Variants in RANBP2 observed in about 807,000 individuals in gnomAD.
The protein encoded by RANBP2 is RAN binding protein 2.
A neutral mutation model predicts 303.6 loss-of-function variants in RANBP2; 57 were observed. The ratio of observed to expected loss-of-function variants is 0.19; its 90% confidence interval spans 0.15 to 0.23. RANBP2 has a LOEUF of 0.23. RANBP2 is among the 10% of genes least tolerant of loss of function. The pLI, the probability that RANBP2 is intolerant of heterozygous loss-of-function variation, is 1.00. For synonymous variants in RANBP2, 1,167 were observed against 1,301.5 expected (o/e 0.90, Z 2.23); for missense variants, 3,138 against 3,780.8 (o/e 0.83, Z 4.46).
the RANBP2 span, among the ~76,000 whole-genome samples, chr2:108,975,499 G>T: frequency 1.3e-5 from 2 of 152,198 alleles, no homozygotes; most frequent in Non-Finnish European, 2.9e-5. Flanking sequence ...GGGTCAACCC[G>T]CGGTAGCTTG....
At chr2:108,781,990 A>G in intron 26 of RANBP2, 138 bp from the exon 27 acceptor site, 1 of 909,924 alleles carries the variant, frequency 1.1e-6, no homozygotes, top group Non-Finnish European at 1.7e-6. Context: ...TAGCCCTAAG[A>G]TATATAACCA....
At chr2:109,541,555 C>T in the RANBP2 span, among the ~76,000 whole-genome samples, 898 of 152,314 alleles carry the variant, frequency 5.9e-3, 11 homozygotes, top group African/African-American at 0.02. Context: ...GCCTGCCAGA[C>T]GGGATTTATA....
the RANBP2 span, among the ~76,000 whole-genome samples, chr2:109,668,449 A>G: frequency 2.0e-5 from 3 of 152,216 alleles, no homozygotes; most frequent in South Asian, 6.2e-4. Flanking sequence ...AAGTATTCTC[A>G]AGTCAATACA....
chr2:109,561,145 G>A, the RANBP2 span, among the ~76,000 whole-genome samples: 113 of 152,132 alleles, frequency 7.4e-4, no homozygotes, highest in African/African-American at 2.6e-3. Flanking sequence ...CTCATCTCAC[G>A]TGAGCCCAGG....
At chr2:109,425,842 A>G in the RANBP2 span, among the ~76,000 whole-genome samples, 1 of 152,194 alleles carries the variant, frequency 6.6e-6, no homozygotes, top group Non-Finnish European at 1.5e-5. Flanking sequence ...TGGATCGAGG[A>G]TAGTTTAGAT....
the RANBP2 span, among the ~76,000 whole-genome samples, chr2:108,813,147 G>A: frequency 6.7e-6 from 1 of 150,146 alleles, no homozygotes; most frequent in East Asian, 2.0e-4. Context: ...TACTCGAGAG[G>A]CTGAGGCAGG....
chr2:109,269,635 G>A, the RANBP2 span, among the ~76,000 whole-genome samples: 1 of 152,100 alleles, frequency 6.6e-6, no homozygotes, highest in East Asian at 1.9e-4. Context: ...AAAAAAAATA[G>A]CCGGACATGG....
chr2:109,676,258 C>T, the RANBP2 span, among the ~76,000 whole-genome samples: 3 of 152,312 alleles, frequency 2.0e-5, no homozygotes, highest in East Asian at 1.9e-4. Context: ...GCCTGGGAGC[C>T]GGGCTCTCCG....
At chr2:109,584,182 A>T in the RANBP2 span, among the ~76,000 whole-genome samples, 1 of 152,210 alleles carries the variant, frequency 6.6e-6, no homozygotes, top group South Asian at 2.1e-4. Context: ...ATTACTTACA[A>T]AAATGGAAAT....
the RANBP2 span, among the ~76,000 whole-genome samples, chr2:108,806,575 C>A: frequency 6.6e-6 from 1 of 152,110 alleles, no homozygotes; most frequent in Admixed American, 6.5e-5. Flanking sequence ...TGTGGTCTCT[C>A]TTTCAGTGAC....
At chr2:109,541,023 C>T in the RANBP2 span, among the ~76,000 whole-genome samples, 1 of 152,296 alleles carries the variant, frequency 6.6e-6, no homozygotes, top group Non-Finnish European at 1.5e-5. Context: ...TTACTACATG[C>T]GTTCTGGTTG....
the RANBP2 span, among the ~76,000 whole-genome samples, chr2:109,218,883 T>C: frequency 6.6e-6 from 1 of 152,082 alleles, no homozygotes; most frequent in Admixed American, 6.5e-5. Context: ...ATTAAAAATA[T>C]ATAGGTGGAG....
chr2:109,370,498 C>G, the RANBP2 span, among the ~76,000 whole-genome samples: 54 of 152,246 alleles, frequency 3.5e-4, no homozygotes, highest in African/African-American at 1.3e-3. Flanking sequence ...CTCGACCTCC[C>G]AAAGTGCTGT....
the RANBP2 span, among the ~76,000 whole-genome samples, chr2:109,508,042 G>A: frequency 6.6e-6 from 1 of 152,146 alleles, no homozygotes; most frequent in African/African-American, 2.4e-5. Context: ...TGTGGGTATT[G>A]CTGGGCTCTG....
chr2:109,254,643 T>A, the RANBP2 span, among the ~76,000 whole-genome samples: 1 of 152,190 alleles, frequency 6.6e-6, no homozygotes, highest in Non-Finnish European at 1.5e-5. Context: ...TTCTTTGTCT[T>A]CTGCTGGGTT....
At chr2:109,689,801 T>C in the RANBP2 span, among the ~76,000 whole-genome samples, 2 of 152,244 alleles carry the variant, frequency 1.3e-5, no homozygotes, top group Non-Finnish European at 2.9e-5. Context: ...AACTCATAAA[T>C]ACTGCTCTTT....
intron 23 of RANBP2, among the ~76,000 whole-genome samples, chr2:108,774,485 T>C (rs1677734411): frequency 6.6e-6 from 1 of 152,284 alleles, no homozygotes; most frequent in South Asian, 2.1e-4. Context: ...AAAAAAATGG[T>C]AATACTGGTA....
chr2:109,347,546 C>A, the RANBP2 span: 1 of 1,253,348 alleles, frequency 8.0e-7, no homozygotes, highest in Non-Finnish European at 1.1e-6. Flanking sequence ...TTTCCACTTG[C>A]GGGGCACTCT....
At chr2:109,572,713 T>A in the RANBP2 span, among the ~76,000 whole-genome samples, 1 of 147,288 alleles carries the variant, frequency 6.8e-6, no homozygotes, top group African/African-American at 2.5e-5. Flanking sequence ...GCCTCCTGGG[T>A]TCAAGCAATT....
Sources: gnomAD v4.1 joint callset for allele counts (sites outside exome capture counted in the v4.1 genomes callset) on GRCh38, gnomAD v4.1.1 for gene constraint, MANE v1.5 for transcripts, NCBI Gene and HGNC (gene_info 2026-07-23, HGNC 2026-07-21) for gene names.